ADGRL3: variants seen among roughly 807,000 people sequenced by gnomAD.
ADGRL3 encodes calcium-independent alpha-latrotoxin receptor 3.
ADGRL3 carries 62 observed loss-of-function variants against 153.5 expected under a neutral mutation model. The observed-to-expected ratio is 0.40, with a 90% CI of 0.33 to 0.50. ADGRL3 has a LOEUF of 0.50. Ranked by LOEUF, ADGRL3 falls within the 20% of genes least tolerant of loss-of-function variation. ADGRL3 has a pLI of 0.47. For synonymous variants in ADGRL3, 710 were observed against 672.5 expected (o/e 1.06, Z -0.86); for missense variants, 1,641 against 1,859.4 (o/e 0.88, Z 2.16).
chr4:61,485,196 CAT>C (rs999211685), intron 2 of ADGRL3, among the ~76,000 whole-genome samples: 4 of 152,260 alleles, frequency 2.6e-5, no homozygotes, highest in Non-Finnish European at 4.4e-5. Context: ...AATTTCAAAA[CAT>C]GTGTATTTTC....
In ADGRL3 at chr4:61,773,947, G is replaced by C. The variant is rs1278381116; in HGVS notation, c.1400-39862G>C. ...GGTAAATATATGCGGGAAACTAATGGAACATGAGAGCTACAGTAGTTCCCC... is the reference window on the plus strand; with the variant it reads ...GGTAAATATATGCGGGAAACTAATGCAACATGAGAGCTACAGTAGTTCCCC... On this transcript the variant is annotated intron_variant, in intron 8 of 26. Coordinates refer to ENST00000683033, the MANE Select transcript of ADGRL3 (RefSeq NM_001387552.1). Among the ~76,000 whole-genome samples, 3 of 152,316 alleles carry C rather than the reference G, an allele frequency of 2.0e-5. No individual in the cohort carries two copies. The South Asian group carries it at 6.2e-4, about 32-fold the overall frequency.
At chr4:61,319,824 C>G (rs2095316317) in intron 1 of ADGRL3, among the ~76,000 whole-genome samples, 1 of 152,184 alleles carries the variant, frequency 6.6e-6, no homozygotes, top group Non-Finnish European at 1.5e-5. Context: ...AATTCTCTTA[C>G]ATTTTACATA....
Position 61,893,540 on chromosome 4 carries a change from G to C in ADGRL3, c.1783+582G>C, listed in dbSNP as rs138032277. ...TAATATGTAACAAAAAAGAAAGTTT[G>C]ACTCTCCTTTTCATCAGCCATTGTA... On this transcript the variant is annotated intron_variant, in intron 10 of 26. Coordinates refer to ENST00000683033, the MANE Select transcript of ADGRL3 (RefSeq NM_001387552.1). Among the ~76,000 whole-genome samples the C allele has an allele frequency of 2.7e-3, 411 of 152,106 alleles. 1 individual carries two copies. Among genetic ancestry groups the C allele is most frequent in the Non-Finnish European group, 4.7e-3 (320 of 67,990 alleles).
At chr4:61,696,358 G>C (rs2095642358) in intron 6 of ADGRL3, among the ~76,000 whole-genome samples, 1 of 152,148 alleles carries the variant, frequency 6.6e-6, no homozygotes, top group South Asian at 2.1e-4. Flanking sequence ...GTTACCTGAA[G>C]ATGATATTTA....
At chr4:61,993,263 G>A (rs1345225773) in intron 19 of ADGRL3, among the ~76,000 whole-genome samples, 1 of 89,604 alleles carries the variant, frequency 1.1e-5, no homozygotes, top group Non-Finnish European at 2.5e-5. Flanking sequence ...TTTTGTTTTT[G>A]TTTCTGTTTC....
At chr4:61,479,224 A>T (rs1487323750) in intron 2 of ADGRL3, among the ~76,000 whole-genome samples, 1 of 152,036 alleles carries the variant, frequency 6.6e-6, no homozygotes, top group Non-Finnish European at 1.5e-5. Flanking sequence ...AGTTTTCCTT[A>T]TATAATCCCT....
intron 25 of ADGRL3, among the ~76,000 whole-genome samples, chr4:62,053,455 T>G (rs1365283691): frequency 1.3e-5 from 2 of 151,680 alleles, no homozygotes; most frequent in Middle Eastern, 3.4e-3. Context: ...CTTCATAATT[T>G]GTCATAACAA....
chr4:61,703,102 T>C (rs1441776698), intron 6 of ADGRL3, among the ~76,000 whole-genome samples: 1 of 152,126 alleles, frequency 6.6e-6, no homozygotes, highest in Non-Finnish European at 1.5e-5. Flanking sequence ...TTGTATTTTA[T>C]TATACTATTT....
intron 10 of ADGRL3, among the ~76,000 whole-genome samples, chr4:61,895,276 G>A (rs1187559557): frequency 6.6e-6 from 1 of 152,084 alleles, no homozygotes; most frequent in African/African-American, 2.4e-5. Context: ...GACCAGCCTG[G>A]CCAATATGGT....
chr4:61,751,552 G>C (rs59975145), intron 8 of ADGRL3, among the ~76,000 whole-genome samples: 1 of 152,086 alleles, frequency 6.6e-6, no homozygotes, highest in Non-Finnish European at 1.5e-5. Flanking sequence ...ATGCAGACAA[G>C]CATACAGAAA....
chr4:61,690,786 T>C (rs777264831), intron 6 of ADGRL3, among the ~76,000 whole-genome samples: 6 of 152,108 alleles, frequency 3.9e-5, no homozygotes, highest in Admixed American at 6.6e-5. Flanking sequence ...CAGAGTCTAA[T>C]AGAAACTTTT....
At chr4:61,347,524 C>A (rs1233395300) in intron 1 of ADGRL3, among the ~76,000 whole-genome samples, 3 of 152,078 alleles carry the variant, frequency 2.0e-5, no homozygotes, top group South Asian at 4.1e-4. Context: ...TTGAAGAAAG[C>A]AAATGCAATG....
At chr4:61,732,709 T>C in intron 7 of ADGRL3, 45 bp from the exon 8 acceptor site, 2 of 1,106,538 alleles carry the variant, frequency 1.8e-6, no homozygotes, top group African/African-American at 3.1e-5. Flanking sequence ...TAACAAAATA[T>C]GAAATTAATA....
At chr4:62,026,700 T>C (rs771103697) in intron 21 of ADGRL3, among the ~76,000 whole-genome samples, 12 of 151,880 alleles carry the variant, frequency 7.9e-5, no homozygotes, top group Non-Finnish European at 1.6e-4. Context: ...GTAGCAGATA[T>C]GGAGGATGAA....
At chr4:61,439,214 T>A (rs1002816794) in intron 2 of ADGRL3, among the ~76,000 whole-genome samples, 1 of 152,202 alleles carries the variant, frequency 6.6e-6, no homozygotes, top group Non-Finnish European at 1.5e-5. Context: ...AAGTACCATC[T>A]GTTGTACTGT....
chr4:61,459,469 TAAG>T lies in ADGRL3; in HGVS notation c.-173-37651_-173-37649del, dbSNP rs566933861. ...TAGTCATTCATCCAGTAATGGACTC[TAAG>T]GTTGATTTCATATCTTGAGTATTAA... is the stretch of plus-strand genomic sequence containing the variant. On this transcript the variant is annotated intron_variant, in intron 2 of 26. Transcript: ENST00000683033. Among the ~76,000 whole-genome samples the T allele has an allele frequency of 4.8e-3, 733 of 152,130 alleles. 4 individuals are homozygous for T. The highest frequency in any genetic ancestry group is 8.3e-3 in the Non-Finnish European group (564 of 67,890).
chr4:61,718,665 C>A (rs1650075123), intron 6 of ADGRL3, among the ~76,000 whole-genome samples: 1 of 151,980 alleles, frequency 6.6e-6, no homozygotes, highest in Non-Finnish European at 1.5e-5. Flanking sequence ...TGTTGTCTAC[C>A]AGGAAGCTGA....
At chr4:61,683,474 C>G (rs1365220624) in intron 6 of ADGRL3, among the ~76,000 whole-genome samples, 1 of 151,914 alleles carries the variant, frequency 6.6e-6, no homozygotes, top group Non-Finnish European at 1.5e-5. Context: ...GGTTCCCGTA[C>G]CTGAAGATGA....
chr4:61,370,898 A>G (rs931053757), intron 1 of ADGRL3, among the ~76,000 whole-genome samples: 4 of 151,388 alleles, frequency 2.6e-5, no homozygotes, highest in Non-Finnish European at 5.9e-5. Flanking sequence ...GACTTGCTTT[A>G]TGAATCTGGG....
Sources: gnomAD v4.1 joint callset for allele counts (sites outside exome capture counted in the v4.1 genomes callset) on GRCh38, gnomAD v4.1.1 for gene constraint, MANE v1.5 for transcripts, NCBI Gene and HGNC (gene_info 2026-07-23, HGNC 2026-07-21) for gene names.